OSBPL8: variants seen among roughly 807,000 people sequenced by gnomAD.
OSBPL8 encodes oxysterol binding protein like 8, also known as oxysterol-binding protein-related protein 8.
A neutral mutation model predicts 125.5 loss-of-function variants in OSBPL8; 59 were observed. That is an observed-to-expected ratio of 0.47 (90% CI 0.38 to 0.58). The LOEUF (loss-of-function observed/expected upper bound fraction) is 0.58, where lower values mean the gene tolerates loss of function less well. Ranked by LOEUF, OSBPL8 falls within the 20% of genes least tolerant of loss-of-function variation. The pLI, the probability that OSBPL8 is intolerant of heterozygous loss-of-function variation, is 0.00. For synonymous variants in OSBPL8, 330 were observed against 338.9 expected (o/e 0.97, Z 0.29); for missense variants, 758 against 1,047.8 (o/e 0.72, Z 3.82).
intron 4 of OSBPL8, among the ~76,000 whole-genome samples, chr12:76,423,692 T>C (rs886422681): frequency 3.9e-5 from 6 of 152,160 alleles, no homozygotes; most frequent in African/African-American, 1.4e-4. Flanking sequence ...TCCATATACC[T>C]TACCCTACCT....
chr12:76,519,191 G>A (rs1881835380), intron 1 of OSBPL8, among the ~76,000 whole-genome samples: 1 of 152,186 alleles, frequency 6.6e-6, no homozygotes, highest in Admixed American at 6.5e-5. Context: ...GCTTAGAAAT[G>A]TCTTCCACCA....
At chr12:76,386,319 A>C (rs1953312316) in intron 13 of OSBPL8, 53 bp from the exon 14 acceptor site, 1 of 1,558,242 alleles carries the variant, frequency 6.4e-7, no homozygotes, top group African/African-American at 1.4e-5. Context: ...AGGATTCAAA[A>C]TAGTTTAAAC....
chr12:76,389,391 G>A (rs1953461493), intron 12 of OSBPL8, among the ~76,000 whole-genome samples: 1 of 152,178 alleles, frequency 6.6e-6, no homozygotes, highest in Non-Finnish European at 1.5e-5. Context: ...TAACGGCAGT[G>A]TTGTTGAGTA....
chr12:76,432,023 C>G (rs1870891964), intron 4 of OSBPL8, among the ~76,000 whole-genome samples: 1 of 152,034 alleles, frequency 6.6e-6, no homozygotes, highest in African/African-American at 2.4e-5. Flanking sequence ...AAAATAATAT[C>G]AAGTATCTTT....
intron 4 of OSBPL8, among the ~76,000 whole-genome samples, chr12:76,424,710 T>C (rs1869936186): frequency 6.6e-6 from 1 of 152,158 alleles, no homozygotes; most frequent in Non-Finnish European, 1.5e-5. Context: ...TATAGGATTG[T>C]TATGAGGATT....
chr12:76,549,321 A>G (rs1169285387), intron 1 of OSBPL8, among the ~76,000 whole-genome samples: 1 of 152,232 alleles, frequency 6.6e-6, no homozygotes, highest in Non-Finnish European at 1.5e-5. Context: ...CCTCATTATG[A>G]CTTTGTAGAA....
At chr12:76,482,138 T>TA (rs1422157250) in intron 2 of OSBPL8, among the ~76,000 whole-genome samples, 1 of 152,216 alleles carries the variant, frequency 6.6e-6, no homozygotes, top group Non-Finnish European at 1.5e-5. Context: ...ATTAGAATCT[T>TA]AAAGATTTTC....
At chr12:76,389,208 G>A (rs977062512) in intron 12 of OSBPL8, among the ~76,000 whole-genome samples, 1 of 152,122 alleles carries the variant, frequency 6.6e-6, no homozygotes, top group Non-Finnish European at 1.5e-5. Flanking sequence ...CAACTGGCAG[G>A]GCATTCTAGT....
intron 1 of OSBPL8, among the ~76,000 whole-genome samples, chr12:76,530,808 T>A (rs1055974881): frequency 3.9e-5 from 6 of 152,096 alleles, no homozygotes; most frequent in African/African-American, 1.4e-4. Flanking sequence ...TATAGTATAA[T>A]AAAGCAATAA....
chr12:76,522,981 G>C (rs1458550977), intron 1 of OSBPL8, among the ~76,000 whole-genome samples: 1 of 152,152 alleles, frequency 6.6e-6, no homozygotes, highest in African/African-American at 2.4e-5. Context: ...GCGACTACAG[G>C]CGCATACCAC....
chr12:76,528,237 C>G (rs904904544), intron 1 of OSBPL8, among the ~76,000 whole-genome samples: 1 of 150,326 alleles, frequency 6.7e-6, no homozygotes, highest in Non-Finnish European at 1.5e-5. Flanking sequence ...AGGAGAATTG[C>G]TTGAACTGGG....
chr12:76,405,061 C>T (rs1163372523), intron 5 of OSBPL8, among the ~76,000 whole-genome samples: 1 of 152,202 alleles, frequency 6.6e-6, no homozygotes, highest in Admixed American at 6.5e-5. Flanking sequence ...GTACCCTACT[C>T]TAATTCCCAG....
At position 76,369,948 on chromosome 12, in the gene OSBPL8, T is replaced by A. The variant is rs989302060; in HGVS notation, c.2055-126A>T. On this transcript the variant is annotated intron_variant, in intron 19 of 23. Transcript: ENST00000261183. ...CATGAATTTCTGGCTTTGACAACAC[T>A]TATGCTCATAGGCTTAGAAATGAGT... 2.1e-5 allele frequency: 19 copies of A among 910,080 alleles called. No individual in the cohort carries two copies. The South Asian group carries it at 3.7e-4, about 18-fold the overall frequency. The allele number at this position is 910,080 out of a possible 1,614,324, so 56.4% of individuals were successfully genotyped here.
intron 1 of OSBPL8, among the ~76,000 whole-genome samples, chr12:76,526,635 CTTTTTTT>C (rs573409160): frequency 1.6e-4 from 10 of 64,260 alleles, no homozygotes; most frequent in East Asian, 1.5e-3. Flanking sequence ...CAGTAAATCT[CTTTTTTT>C]TTTTTTTTTT....
At chr12:76,468,543 G>A (rs1321824456) in intron 2 of OSBPL8, among the ~76,000 whole-genome samples, 1 of 152,146 alleles carries the variant, frequency 6.6e-6, no homozygotes, top group Non-Finnish European at 1.5e-5. Flanking sequence ...TTTGTTCACT[G>A]CAATATCTCT....
chr12:76,517,871 C>G (rs1798012977), intron 1 of OSBPL8, among the ~76,000 whole-genome samples: 1 of 152,134 alleles, frequency 6.6e-6, no homozygotes, highest in African/African-American at 2.4e-5. Context: ...AGAGCAAGAG[C>G]TCTCATTACC....
intron 7 of OSBPL8, 76 bp downstream of exon 7, chr12:76,399,797 T>C (rs1953973480): frequency 1.8e-6 from 2 of 1,125,576 alleles, no homozygotes; most frequent in Middle Eastern, 2.0e-4. Flanking sequence ...TTGTAGGCGT[T>C]AGGTATACTC....
intron 4 of OSBPL8, among the ~76,000 whole-genome samples, chr12:76,414,261 T>G (rs1264618922): frequency 6.6e-6 from 1 of 152,156 alleles, no homozygotes; most frequent in Non-Finnish European, 1.5e-5. Context: ...AGTACAGTAT[T>G]GCCTAGAAAT....
intron 4 of OSBPL8, among the ~76,000 whole-genome samples, chr12:76,420,005 T>C (rs1869265055): frequency 6.6e-6 from 1 of 152,132 alleles, no homozygotes; most frequent in Non-Finnish European, 1.5e-5. Flanking sequence ...AAATTAGCAT[T>C]CTGCCCTTAA....
Sources: gnomAD v4.1 joint callset for allele counts (sites outside exome capture counted in the v4.1 genomes callset) on GRCh38, gnomAD v4.1.1 for gene constraint, MANE v1.5 for transcripts, NCBI Gene and HGNC (gene_info 2026-07-23, HGNC 2026-07-21) for gene names.